Variants in WDR25 observed in about 807,000 individuals in gnomAD.
WDR25 encodes the protein WD repeat-containing protein 25.
In WDR25, 35 loss-of-function variants were observed where a neutral mutation model predicts 47.7. The observed-to-expected ratio is 0.73, with a 90% CI of 0.56 to 0.97. The LOEUF (loss-of-function observed/expected upper bound fraction) is 0.97. Ranked by LOEUF, WDR25 falls within the 50% of genes least tolerant of loss-of-function variation. The pLI, the probability that WDR25 is intolerant of heterozygous loss-of-function variation, is 0.00. For missense variants in WDR25, 634 were observed against 704.7 expected (o/e 0.90, Z 1.14); for synonymous variants, 248 against 278.9 (o/e 0.89, Z 1.10).
intron 4 of WDR25, among the ~76,000 whole-genome samples, chr14:100,494,692 G>A (rs1900674882): frequency 6.6e-6 from 1 of 152,214 alleles, no homozygotes; most frequent in Admixed American, 6.5e-5. Flanking sequence ...AGAATGGGCT[G>A]GACCTGGGTG....
chr14:100,508,554 T>G (rs182761614), intron 4 of WDR25, among the ~76,000 whole-genome samples: 22 of 152,358 alleles, frequency 1.4e-4, no homozygotes, highest in African/African-American at 5.3e-4. Flanking sequence ...GATCATGTAG[T>G]CTGTATTATT....
chr14:100,527,671 A>G (rs1267654821), intron 5 of WDR25, among the ~76,000 whole-genome samples: 1 of 152,202 alleles, frequency 6.6e-6, no homozygotes, highest in Non-Finnish European at 1.5e-5. Context: ...AGGGGAAGTG[A>G]GGCAGATGAA....
intron 4 of WDR25, among the ~76,000 whole-genome samples, chr14:100,490,947 C>A (rs1204792909): frequency 6.6e-6 from 1 of 152,226 alleles, no homozygotes; most frequent in South Asian, 2.1e-4. Context: ...TTGCTGCAAG[C>A]TAAACTTTGA....
At chr14:100,458,479 C>T (rs1195849592) in intron 2 of WDR25, among the ~76,000 whole-genome samples, 8 of 152,038 alleles carry the variant, frequency 5.3e-5, no homozygotes, top group Middle Eastern at 3.4e-3. Flanking sequence ...TTCAACACCC[C>T]GCTCTCAATA....
rs1440136627 is a variant in WDR25, at chr14:100,500,424, G to A, written c.1101+16300G>A. Among the ~76,000 whole-genome samples, 1 of 152,182 alleles carries A rather than the reference G, an allele frequency of 6.6e-6. No individual in the cohort carries two copies. Among genetic ancestry groups the A allele is most frequent in the African/African-American group, 2.4e-5 (1 of 41,448 alleles). On this transcript the variant is annotated intron_variant, in intron 4 of 6. Coordinates refer to ENST00000402312, the MANE Select transcript of WDR25 (RefSeq NM_001161476.3). The surrounding 1 kb of genome is among the most constrained non-coding windows in gnomAD (Gnocchi z 4.7). ...GTGGAGGGTGGAGAAGGAGGGGTGG[G>A]GATGGTCAGATGGAGGCATGCCGGG...
intron 2 of WDR25, among the ~76,000 whole-genome samples, chr14:100,437,347 G>A (rs951632760): frequency 2.6e-5 from 4 of 152,162 alleles, no homozygotes; most frequent in African/African-American, 9.7e-5. Context: ...ACCCATATCT[G>A]AGATTCCAGT....
At chr14:100,524,108 C>G (rs1284523630) in intron 4 of WDR25, among the ~76,000 whole-genome samples, 1 of 152,120 alleles carries the variant, frequency 6.6e-6, no homozygotes, top group Non-Finnish European at 1.5e-5. Flanking sequence ...CCATTTCCAT[C>G]CATTCTCAGA....
In WDR25 at chr14:100,381,374, T is replaced by C; in HGVS notation, c.450T>C (p.Ala150=). 1 of 1,614,216 alleles carries C rather than the reference T, an allele frequency of 6.2e-7. No individual in the cohort carries two copies. Among genetic ancestry groups the C allele is most frequent in the Non-Finnish European group, 8.5e-7 (1 of 1,180,032 alleles). ...SRNFPKSSFH[A]QSESETVGKN... is the part of the protein sequence containing the mutation. ...ACTTTCCCAAGTCATCTTTCCATGC[T>C]CAAAGTGAGTCTGAAACCGTAGGTA... The change falls in exon 2 of 7, where the codon GCT becomes GCC. Residue 150 remains alanine, a synonymous_variant. Coordinates refer to ENST00000402312, the MANE Select transcript of WDR25 (RefSeq NM_001161476.3).
At chr14:100,434,328 C>G (rs1390436522) in intron 2 of WDR25, among the ~76,000 whole-genome samples, 1 of 152,168 alleles carries the variant, frequency 6.6e-6, no homozygotes, top group African/African-American at 2.4e-5. Flanking sequence ...TGTCACTCCC[C>G]CCTCCAACAG....
intron 1 of WDR25, among the ~76,000 whole-genome samples, chr14:100,379,305 T>A (rs866014475): frequency 5.1e-4 from 77 of 152,276 alleles, no homozygotes; most frequent in African/African-American, 1.8e-3. Context: ...GTAACACATA[T>A]GACCAAAATG....
rs371460808 is a variant in WDR25 at position 100,428,017 on chromosome 14, G to A, written c.823-40004G>A. 8.5e-5 allele frequency among the ~76,000 whole-genome samples: 13 copies of A among 152,348 alleles called. 1 individual carries two copies. The highest frequency in any genetic ancestry group is 3.1e-4 in the African/African-American group (13 of 41,594). ...TGAGGCTCCTTCTACGAGGCTGGAA[G>A]CCTTTTCCTCCTGAGACCCTAACAC... On this transcript the variant is annotated intron_variant, in intron 2 of 6. Transcript: ENST00000402312. This position sits in a 1 kb window ranked among gnomAD's most constrained non-coding sequence, Gnocchi z 4.3.
chr14:100,380,962 T>C lies in WDR25; in HGVS notation c.38T>C (p.Val13Ala). 1 of 1,614,152 alleles carries C rather than the reference T, an allele frequency of 6.2e-7. No individual in the cohort carries two copies. Among genetic ancestry groups the C allele is most frequent in the Non-Finnish European group, 8.5e-7 (1 of 1,179,976 alleles). Residue 13 changes from valine to alanine, a missense_variant, in exon 2 of 7, where the codon GTA becomes GCA. Transcript: ENST00000402312. ...ACTCTGTCTTTAATGGCTTCATTGG[T>C]AGCGTATGATGATTCGGACTCGGAG... Reference protein sequence around the residue: ...ARTLSLMASLVAYDDSDSEAE... With the variant: ...ARTLSLMASLAAYDDSDSEAE...
chr14:100,513,974 G>C (rs1336285757), intron 4 of WDR25, among the ~76,000 whole-genome samples: 1 of 144,834 alleles, frequency 6.9e-6, no homozygotes, highest in African/African-American at 2.5e-5. Context: ...CTCGCTCTGT[G>C]GCCCAGGCAG....
At position 100,502,939 on chromosome 14, in the gene WDR25, C is replaced by T. The variant is rs1417016517; in HGVS notation, c.1101+18815C>T. 6.6e-6 allele frequency among the ~76,000 whole-genome samples: 1 copy of T among 151,470 alleles called. No homozygotes were observed. Among genetic ancestry groups the T allele is most frequent in the Non-Finnish European group, 1.5e-5 (1 of 67,964 alleles). On this transcript the variant is annotated intron_variant, in intron 4 of 6. Transcript: ENST00000402312. The surrounding 1 kb of genome is among the most constrained non-coding windows in gnomAD (Gnocchi z 4.5). The stretch of plus-strand genomic sequence containing the variant: ...GGGTTTTTTGTTGCTGGAGAACACG[C>T]AGTGTGTGTCTGTGAGTGTGTGTGT...
At chr14:100,408,483 C>T (rs1296659856) in intron 2 of WDR25, among the ~76,000 whole-genome samples, 1 of 152,162 alleles carries the variant, frequency 6.6e-6, no homozygotes, top group African/African-American at 2.4e-5. Context: ...TGGTCTGCAG[C>T]CCTCAGTGCT....
Position 100,446,514 on chromosome 14 carries a change from G to A in WDR25, c.823-21507G>A, listed in dbSNP as rs149546114. ...TGCAGTGAGCTGAGATCATGCCACT[G>A]CACTCTAGCCTGGGTGACAGAGGAA... On this transcript the variant is annotated intron_variant, in intron 2 of 6. Coordinates refer to ENST00000402312, the MANE Select transcript of WDR25 (RefSeq NM_001161476.3). Among the ~76,000 whole-genome samples the A allele has an allele frequency of 3.2e-3, 450 of 140,252 alleles. 4 individuals are homozygous for A. The highest frequency in any genetic ancestry group is 0.011 in the African/African-American group (420 of 37,128). 92.0% of individuals were successfully genotyped at this position (140,252 alleles called of 152,430 possible). A position where few individuals can be genotyped will look rare whatever the true frequency, so the allele number is the denominator to read the frequency against.
chr14:100,414,060 A>C (rs147130004), intron 2 of WDR25, among the ~76,000 whole-genome samples: 1 of 150,966 alleles, frequency 6.6e-6, no homozygotes, highest in South Asian at 2.1e-4. Context: ...CAGTGGTGCA[A>C]TCTTGGCTCA....
intron 2 of WDR25, chr14:100,382,023 G>C: frequency 1.4e-6 from 1 of 702,506 alleles, no homozygotes; most frequent in Non-Finnish European, 2.6e-6. Flanking sequence ...AGAGTGATTA[G>C]TGGGAGAAGA....
intron 5 of WDR25, among the ~76,000 whole-genome samples, chr14:100,526,290 C>T (rs1595089991): frequency 1.3e-5 from 2 of 152,132 alleles, no homozygotes; most frequent in South Asian, 2.1e-4. Flanking sequence ...TGGTGGGGGG[C>T]GGTTCAGTCC....
Sources: allele counts gnomAD v4.1 joint callset (sites outside exome capture counted in the v4.1 genomes callset), GRCh38; gene constraint gnomAD v4.1.1; non-coding constraint Gnocchi (gnomAD v3.1); transcripts MANE v1.5; gene names NCBI Gene and HGNC (gene_info 2026-07-23, HGNC 2026-07-21).